SLC16A7: variants seen among roughly 807,000 people sequenced by gnomAD.
SLC16A7 encodes monocarboxylate transporter 2.
SLC16A7 carries 33 observed loss-of-function variants against 34.9 expected under a neutral mutation model. The observed-to-expected ratio is 0.94, with a 90% CI of 0.72 to 1.26. The LOEUF is 1.26. Among genes scored for constraint, SLC16A7 ranks in the 50% most tolerant of loss-of-function variants. The pLI is 0.00. For missense variants in SLC16A7, 573 were observed against 578.1 expected (o/e 0.99, Z 0.09); for synonymous variants, 201 against 206.6 (o/e 0.97, Z 0.23).
At chr12:59,747,687 A>C (rs1435849893) in intron 3 of SLC16A7, among the ~76,000 whole-genome samples, 2 of 152,230 alleles carry the variant, frequency 1.3e-5, no homozygotes, top group Non-Finnish European at 2.9e-5. Flanking sequence ...CTAACCAATT[A>C]TTTGAGCAGT....
chr12:59,646,200 G>A (rs1050531432), intron 1 of SLC16A7, among the ~76,000 whole-genome samples: 6 of 152,158 alleles, frequency 3.9e-5, no homozygotes, highest in African/African-American at 1.4e-4. Flanking sequence ...TGTCTCCAGG[G>A]CATGTCAGAG....
chr12:59,724,199 T>A (rs1026574328), intron 3 of SLC16A7, among the ~76,000 whole-genome samples: 1 of 152,010 alleles, frequency 6.6e-6, no homozygotes, highest in Non-Finnish European at 1.5e-5. Context: ...GTTTTGTGTG[T>A]GTGTCTCATT....
chr12:59,718,209 A>C (rs934797135), intron 3 of SLC16A7, among the ~76,000 whole-genome samples: 40 of 152,090 alleles, frequency 2.6e-4, no homozygotes, highest in African/African-American at 9.7e-4. Context: ...TTTTTTTCTA[A>C]GAGGTCTTCC....
chr12:59,763,154 A>G (rs761181796), intron 3 of SLC16A7, among the ~76,000 whole-genome samples: 3 of 152,184 alleles, frequency 2.0e-5, no homozygotes, highest in Non-Finnish European at 4.4e-5. Flanking sequence ...GTCCCTTTTA[A>G]TGAAATCAAT....
At chr12:59,701,488 T>C (rs976158206) in intron 2 of SLC16A7, among the ~76,000 whole-genome samples, 2 of 151,630 alleles carry the variant, frequency 1.3e-5, no homozygotes, top group African/African-American at 4.8e-5. Flanking sequence ...GTACATTCTG[T>C]CTTCTATTTT....
intron 3 of SLC16A7, among the ~76,000 whole-genome samples, chr12:59,723,309 A>T (rs187901738): frequency 6.6e-6 from 1 of 152,082 alleles, no homozygotes; most frequent in East Asian, 1.9e-4. Flanking sequence ...AAGTTCCTTC[A>T]TTCATATTTT....
rs1456670360 is a variant in SLC16A7, at chr12:59,755,034, A to T, written c.218-16185A>T. Among the ~76,000 whole-genome samples the T allele has an allele frequency of 5.9e-5, 9 of 152,248 alleles. No homozygotes were observed. In the South Asian group the frequency reaches 1.2e-3, roughly 21 times the overall value. On this transcript the variant is annotated intron_variant, in intron 3 of 5. Transcript: ENST00000547379. ...CATGATTATCTCAATAGATGTAGAAAAGGCCTTTGACAAAATTCAACAACA... is the reference window on the plus strand; with the variant it reads ...CATGATTATCTCAATAGATGTAGAATAGGCCTTTGACAAAATTCAACAACA...
chr12:59,657,693 G>T (rs2137025900), intron 2 of SLC16A7, among the ~76,000 whole-genome samples: 1 of 152,024 alleles, frequency 6.6e-6, no homozygotes, highest in Non-Finnish European at 1.5e-5. Context: ...CACCACAGTG[G>T]CTATATCCCA....
At chr12:59,609,256 C>T (rs1480187952) in intron 1 of SLC16A7, among the ~76,000 whole-genome samples, 11 of 152,180 alleles carry the variant, frequency 7.2e-5, no homozygotes, top group Non-Finnish European at 1.0e-4. Context: ...GCTTGAAGAA[C>T]ATACAGTGTC....
chr12:59,763,509 G>A (rs1327026540), intron 3 of SLC16A7, among the ~76,000 whole-genome samples: 2 of 152,020 alleles, frequency 1.3e-5, no homozygotes, highest in Non-Finnish European at 2.9e-5. Context: ...AATAAACTTA[G>A]CATTTCTGAG....
chr12:59,769,283 A>G (rs1881989391), intron 3 of SLC16A7: 1 of 152,202 alleles, frequency 6.6e-6, no homozygotes, highest in Admixed American at 6.6e-5. Context: ...CTTTATTGCA[A>G]TATTCACTTT....
intron 3 of SLC16A7, among the ~76,000 whole-genome samples, chr12:59,760,924 C>A (rs1410901453): frequency 1.3e-5 from 2 of 152,056 alleles, no homozygotes; most frequent in African/African-American, 4.8e-5. Context: ...AGACATGAAG[C>A]AAGGAGCAGA....
chr12:59,598,404 T>C (rs571348772), intron 1 of SLC16A7, among the ~76,000 whole-genome samples: 8 of 152,356 alleles, frequency 5.3e-5, no homozygotes, highest in Admixed American at 1.3e-4. Flanking sequence ...CCAAGATGAA[T>C]GAGGCTGTAA....
chr12:59,773,402 A>T (rs1001858880), intron 4 of SLC16A7, among the ~76,000 whole-genome samples: 1 of 152,060 alleles, frequency 6.6e-6, no homozygotes, highest in Non-Finnish European at 1.5e-5. Context: ...TGTGTATTTC[A>T]CAACTGGAAT....
chr12:59,738,470 A>G (rs1038895668), intron 3 of SLC16A7, among the ~76,000 whole-genome samples: 1 of 152,136 alleles, frequency 6.6e-6, no homozygotes, highest in Admixed American at 6.6e-5. Context: ...GGAGGAAGAG[A>G]GTTTTTATTT....
At chr12:59,738,355 T>G (rs1216201604) in intron 3 of SLC16A7, among the ~76,000 whole-genome samples, 1 of 152,176 alleles carries the variant, frequency 6.6e-6, no homozygotes, top group East Asian at 1.9e-4. Context: ...AGCGTATGTG[T>G]GAATGATTGT....
intron 3 of SLC16A7, chr12:59,733,860 G>A (rs555092598): frequency 7.0e-5 from 32 of 455,042 alleles, no homozygotes; most frequent in African/African-American, 3.6e-4. Context: ...CAGGCAGGTC[G>A]TCCTGACTAG....
At chr12:59,728,873 G>A (rs560451086) in intron 3 of SLC16A7, among the ~76,000 whole-genome samples, 7 of 152,228 alleles carry the variant, frequency 4.6e-5, no homozygotes, top group African/African-American at 1.4e-4. Flanking sequence ...CCTAGTAGAG[G>A]AAAATAGGAA....
chr12:59,639,552 T>G (rs936373826), intron 1 of SLC16A7, among the ~76,000 whole-genome samples: 1 of 151,998 alleles, frequency 6.6e-6, no homozygotes, highest in Admixed American at 6.6e-5. Flanking sequence ...CCTGGCTAAT[T>G]TTTTTGTATC....
Sources: gnomAD v4.1 joint callset for allele counts (sites outside exome capture counted in the v4.1 genomes callset) on GRCh38, gnomAD v4.1.1 for gene constraint, MANE v1.5 for transcripts, NCBI Gene and HGNC (gene_info 2026-07-23, HGNC 2026-07-21) for gene names.